Variants in WNK2 observed in about 807,000 individuals in gnomAD.
The protein encoded by WNK2 is serine/threonine-protein kinase WNK2.
A neutral mutation model predicts 192.1 loss-of-function variants in WNK2; 67 were observed. That is an observed-to-expected ratio of 0.35 (90% CI 0.29 to 0.43). The LOEUF is 0.43. Among genes scored for constraint, WNK2 ranks in the 20% least tolerant of loss-of-function variants. The probability of loss-of-function intolerance (pLI) is 1.00; values close to 1 mark genes in which losing one functional copy is unlikely to be tolerated. For missense variants in WNK2, 2,698 were observed against 3,089.7 expected (o/e 0.87, Z 3.01); for synonymous variants, 1,439 against 1,393.9 (o/e 1.03, Z -0.72).
chr9:93,253,745 G>A (rs1842907706), intron 9 of WNK2, among the ~76,000 whole-genome samples: 1 of 152,140 alleles, frequency 6.6e-6, no homozygotes, highest in Non-Finnish European at 1.5e-5. Context: ...TGATTCCCAC[G>A]GGAAAGACTA....
intron 7 of WNK2, among the ~76,000 whole-genome samples, chr9:93,246,482 C>G (rs1197963793): frequency 6.6e-6 from 1 of 152,250 alleles, no homozygotes; most frequent in Non-Finnish European, 1.5e-5. Flanking sequence ...TGTTTATTCA[C>G]TTCTGTTGTG....
intron 2 of WNK2, among the ~76,000 whole-genome samples, chr9:93,209,482 G>A (rs968902733): frequency 2.6e-5 from 4 of 152,264 alleles, no homozygotes; most frequent in Admixed American, 6.5e-5. Context: ...TCTCCCTCAC[G>A]TCCAAGACCC....
rs908151016 is a variant in WNK2, at chr9:93,238,220, C to T, written c.1234-13C>T. ...GCCGATCGGGTCAGGTAACTCTGCT[C>T]TCTCCCTGTCAGGGTATCAAGCCGG... On this transcript the variant is annotated splice_polypyrimidine_tract_variant and intron_variant, in intron 5 of 29. Coordinates refer to ENST00000427277, the MANE Select transcript of WNK2 (RefSeq NM_006648.4). The T allele has an allele frequency of 6.2e-7, 1 of 1,613,782 alleles. No individual in the cohort carries two copies. Among genetic ancestry groups the T allele is most frequent in the Non-Finnish European group, 8.5e-7 (1 of 1,179,726 alleles).
In WNK2 at chr9:93,299,086, C is replaced by T; in HGVS notation, c.5940C>T (p.Ser1980=). 1 of 1,610,570 alleles carries T rather than the reference C, an allele frequency of 6.2e-7. No homozygotes were observed. Among genetic ancestry groups the T allele is most frequent in the Non-Finnish European group, 8.5e-7 (1 of 1,179,466 alleles). ...CCCGCCCAGGTCACTTGGCTGACTC[C>T]AGCAGAGGCCCTCCCGCTAAGGACC... ...VASSTGHLAD[S]SRGPPAKDPA... The change falls in exon 25 of 30, where the codon TCC becomes TCT. Residue 1980 remains serine (S), a synonymous_variant. Coordinates refer to ENST00000427277, the MANE Select transcript of WNK2 (RefSeq NM_006648.4).
At chr9:93,238,420 C>T (rs1840184523) in intron 6 of WNK2, 99 bp downstream of exon 6, 12 of 1,130,714 alleles carry the variant, frequency 1.1e-5, no homozygotes, top group African/African-American at 1.5e-5. Flanking sequence ...GACTTCAAGA[C>T]AGGCAGGCTC....
intron 27 of WNK2, 89 bp from the exon 28 acceptor site, chr9:93,308,239 C>T: frequency 6.7e-7 from 1 of 1,483,476 alleles, no homozygotes. Flanking sequence ...ATTGTCTCAG[C>T]TGTCACGTAA....
rs1851171137 is a variant in WNK2, at chr9:93,299,282, C to T, written c.6115+21C>T. On this transcript the variant is annotated intron_variant, in intron 25 of 29. Transcript: ENST00000427277. The stretch of plus-strand genomic sequence containing the variant: ...CCAAGGTGATTTCCAGCTTGCCTGT[C>T]TCCGAGCATGTGCTAGCCACGTAGG... The T allele has an allele frequency of 3.2e-6, 5 of 1,548,382 alleles. No homozygotes were observed. In the African/African-American group the frequency reaches 6.8e-5, roughly 21 times the overall value.
intron 19 of WNK2, among the ~76,000 whole-genome samples, chr9:93,283,027 A>G (rs1847953120): frequency 6.6e-6 from 1 of 152,260 alleles, no homozygotes; most frequent in Non-Finnish European, 1.5e-5. Flanking sequence ...ATAGTTAAGC[A>G]GTGCATTTAT....
chr9:93,281,167 T>C (rs868162105), intron 19 of WNK2, among the ~76,000 whole-genome samples: 1 of 152,190 alleles, frequency 6.6e-6, no homozygotes, highest in East Asian at 1.9e-4. Flanking sequence ...ATTTTACTTA[T>C]ATGCCTGTGT....
intron 2 of WNK2, among the ~76,000 whole-genome samples, chr9:93,199,411 G>A (rs1281655926): frequency 6.6e-6 from 1 of 152,198 alleles, no homozygotes; most frequent in Non-Finnish European, 1.5e-5. Context: ...TGGGCTTGGC[G>A]TCAGGTGGTG....
At position 93,307,843 on chromosome 9, in the gene WNK2, C is replaced by T. The variant is rs117880106; in HGVS notation, c.6260-485C>T. The T allele has an allele frequency of 9.6e-3, 1,482 of 154,248 alleles. 11 individuals carry two copies. The highest frequency in any genetic ancestry group is 0.027 in the South Asian group (130 of 4,866). 9.6% of individuals were successfully genotyped at this position (154,248 alleles called of 1,614,324 possible). ...GGCCAGGGGGCTGCCTGCAGGCCAG[C>T]CCGCCGTGTGTGCTGAGCGCTCTGC... On this transcript the variant is annotated intron_variant, in intron 27 of 29. Coordinates refer to ENST00000427277, the MANE Select transcript of WNK2 (RefSeq NM_006648.4).
intron 2 of WNK2, among the ~76,000 whole-genome samples, chr9:93,202,649 G>C (rs1487720090): frequency 1.3e-5 from 2 of 151,958 alleles, no homozygotes; most frequent in African/African-American, 4.8e-5. Flanking sequence ...ATGGGGTGGG[G>C]CTGGGGCAGG....
intron 23 of WNK2, among the ~76,000 whole-genome samples, chr9:93,297,543 T>C (rs557415437): frequency 9.8e-5 from 15 of 152,384 alleles, no homozygotes; most frequent in Admixed American, 2.6e-4. Flanking sequence ...TTTGGGACTT[T>C]CATTGCAAGT....
rs775204362 is a variant in WNK2 at position 93,292,278 on chromosome 9, G to A, written c.4937-30G>A. ...ATCTCTGCCTCTTCCTCCTCCTTCA[G>A]CCCCAGTAACGTTTCTGATGTTCCC... On this transcript the variant is annotated intron_variant, in intron 21 of 29. Transcript: ENST00000427277. The A allele has an allele frequency of 2.5e-6, 4 of 1,612,084 alleles. No individual in the cohort carries two copies. In the East Asian group the frequency reaches 8.9e-5, roughly 36 times the overall value.
chr9:93,206,571 C>T (rs1303710300), intron 2 of WNK2, among the ~76,000 whole-genome samples: 1 of 151,202 alleles, frequency 6.6e-6, no homozygotes, highest in Non-Finnish European at 1.5e-5. Flanking sequence ...TGGGACAACA[C>T]CATGGAGGGT....
In WNK2 at chr9:93,253,050, T is replaced by G; in HGVS notation, c.2002T>G (p.Ser668Ala). The change falls in exon 9 of 30, where the codon TCG (serine) becomes GCG (alanine). Residue 668 changes from serine to alanine, a missense_variant. This residue lies in a region of WNK2 where 893 missense variants were observed against 909.0 expected (regional missense o/e 0.98). Coordinates refer to ENST00000427277, the MANE Select transcript of WNK2 (RefSeq NM_006648.4). The stretch of plus-strand genomic sequence containing the variant: ...GCCCGTCCTGCCGCAGAGCCTGCCC[T>G]CGCTGGGGGCCTACCAGCAGCCCAC... ...EGPVLPQSLP[S>A]LGAYQQPTAA... 3.3e-6 allele frequency: 5 copies of G among 1,516,150 alleles called. No individual in the cohort carries two copies. Among genetic ancestry groups the G allele is most frequent in the Non-Finnish European group, 4.4e-6 (5 of 1,132,366 alleles). The allele number at this position is 1,516,150 out of a possible 1,614,324, so 93.9% of individuals were successfully genotyped here. A position where few individuals can be genotyped will look rare whatever the true frequency, so the allele number is the denominator to read the frequency against.
chr9:93,200,019 GC>G (rs890582295), intron 2 of WNK2, among the ~76,000 whole-genome samples: 9 of 152,112 alleles, frequency 5.9e-5, no homozygotes, highest in Non-Finnish European at 1.3e-4. Context: ...CTCAAGGAGG[GC>G]AAGTGGCAGG....
In WNK2 at chr9:93,185,089, C is replaced by T; in HGVS notation, c.160C>T (p.Pro54Ser). ...RSVVESDQEE[P>S]PGLEAAEAPG... Reference sequence around the variant, plus strand: ...CGTGGTAGAGTCGGACCAGGAGGAGCCGCCGGGCTTGGAGGCAGCCGAGGC... The same window carrying T: ...CGTGGTAGAGTCGGACCAGGAGGAGTCGCCGGGCTTGGAGGCAGCCGAGGC... Residue 54 changes from proline (P) to serine (S), a missense_variant, in exon 2 of 30, where the codon CCG becomes TCG. Coordinates refer to ENST00000427277, the MANE Select transcript of WNK2 (RefSeq NM_006648.4). 4 of 1,315,336 alleles carry T rather than the reference C, an allele frequency of 3.0e-6. No individual in the cohort carries two copies. Among genetic ancestry groups the T allele is most frequent in the Non-Finnish European group, 3.9e-6 (4 of 1,028,902 alleles). 81.5% of individuals were successfully genotyped at this position (1,315,336 alleles called of 1,614,324 possible).
chr9:93,288,754 C>G, intron 19 of WNK2, 34 bp from the exon 20 acceptor site: 1 of 1,571,914 alleles, frequency 6.4e-7, no homozygotes, highest in East Asian at 2.3e-5. Flanking sequence ...ACTGGAGTAC[C>G]CTGGTACAAA....
Sources: gnomAD v4.1 joint callset for allele counts (sites outside exome capture counted in the v4.1 genomes callset) on GRCh38, gnomAD v4.1.1 for gene constraint, gnomAD v4.1.1 regional missense constraint, MANE v1.5 for transcripts, NCBI Gene and HGNC (gene_info 2026-07-23, HGNC 2026-07-21) for gene names.